The following GALNT1 variants were observed in gnomAD, a reference collection of about 807,000 sequenced individuals.
GALNT1 encodes the protein polypeptide N-acetylgalactosaminyltransferase 1, also known as GalNAc transferase 1.
In GALNT1, 17 loss-of-function variants were observed where a neutral mutation model predicts 65.7. That is an observed-to-expected ratio of 0.26 (90% confidence interval 0.18 to 0.39). The LOEUF is 0.39. Ranked by LOEUF, GALNT1 falls within the 10% of genes least tolerant of loss-of-function variation. GALNT1 has a pLI of 1.00. For synonymous variants in GALNT1, 210 were observed against 219.7 expected (o/e 0.96, Z 0.39); for missense variants, 460 against 672.8 (o/e 0.68, Z 3.50).
intron 1 of GALNT1, among the ~76,000 whole-genome samples, chr18:35,611,118 T>C (rs528186837): frequency 1.3e-5 from 2 of 152,316 alleles, no homozygotes. Context: ...TTTCAAACTT[T>C]TTAGTAGCAG....
intron 3 of GALNT1, among the ~76,000 whole-genome samples, chr18:35,675,255 G>T (rs537922906): frequency 2.0e-5 from 3 of 152,254 alleles, no homozygotes; most frequent in Admixed American, 1.3e-4. Context: ...CAGGTTAGGG[G>T]TGTGTGTTTG....
At chr18:35,664,492 A>G (rs927264173) in intron 3 of GALNT1, 2 of 152,212 alleles carry the variant, frequency 1.3e-5, no homozygotes, top group African/African-American at 2.4e-5. Context: ...TTTGACCCCT[A>G]TAAATAAAGC....
In GALNT1 at chr18:35,690,617, T is replaced by G. The variant is rs191762149; in HGVS notation, c.979-395T>G. Among the ~76,000 whole-genome samples, 527 of 152,310 alleles carry G rather than the reference T, an allele frequency of 3.5e-3. 2 individuals are homozygous for G. The highest frequency in any genetic ancestry group is 6.0e-3 in the Non-Finnish European group (406 of 68,018). On this transcript the variant is annotated intron_variant, in intron 7 of 11. Coordinates refer to ENST00000269195, the MANE Select transcript of GALNT1 (RefSeq NM_020474.4). Reference sequence around the variant, plus strand: ...TTTTCTGTATTTAGCCTTTAACCTATGTTTTCTTTATTTTAATCTTCAACT... The same window carrying G: ...TTTTCTGTATTTAGCCTTTAACCTAGGTTTTCTTTATTTTAATCTTCAACT...
chr18:35,656,604 G>T (rs1366658039), intron 2 of GALNT1, among the ~76,000 whole-genome samples: 1 of 152,166 alleles, frequency 6.6e-6, no homozygotes. Flanking sequence ...GAGTTGATAG[G>T]AGAACAAGAG....
chr18:35,666,917 C>G (rs756814376), intron 3 of GALNT1, among the ~76,000 whole-genome samples: 1 of 151,828 alleles, frequency 6.6e-6, no homozygotes, highest in Non-Finnish European at 1.5e-5. Flanking sequence ...TATATCTTCA[C>G]TCTATCTCTG....
chr18:35,710,008 A>C lies in GALNT1; in HGVS notation c.*238A>C. 1 of 414,196 alleles carries C rather than the reference A, an allele frequency of 2.4e-6. No homozygotes were observed. The highest frequency in any genetic ancestry group is 4.4e-6 in the Non-Finnish European group (1 of 229,838). 25.7% of individuals were successfully genotyped at this position (414,196 alleles called of 1,614,324 possible). ...GACTGTGCACACTGATGTTTACAAG[A>C]TTGAAAGAGTCTTTCTCCGAAAATC... On this transcript the variant is annotated 3_prime_UTR_variant, in exon 12 of 12. Coordinates refer to ENST00000269195, the MANE Select transcript of GALNT1 (RefSeq NM_020474.4).
intron 1 of GALNT1, among the ~76,000 whole-genome samples, chr18:35,614,974 C>T (rs771293920): frequency 2.0e-5 from 3 of 151,728 alleles, no homozygotes; most frequent in African/African-American, 2.4e-5. Context: ...ATAAATGTGA[C>T]GACATACCAT....
intron 1 of GALNT1, among the ~76,000 whole-genome samples, chr18:35,624,829 C>A (rs2046896086): frequency 6.6e-6 from 1 of 152,132 alleles, no homozygotes; most frequent in South Asian, 2.1e-4. Flanking sequence ...AATTGTCTTT[C>A]TTCCTTCTCA....
intron 1 of GALNT1, among the ~76,000 whole-genome samples, chr18:35,648,417 TTTTCGAC>T (rs2047265388): frequency 6.6e-6 from 1 of 152,218 alleles, no homozygotes; most frequent in South Asian, 2.1e-4. Flanking sequence ...ATTAAAGGCA[TTTTCGAC>T]TTTCGACTTA....
At chr18:35,667,203 A>G (rs2047562299) in intron 3 of GALNT1, among the ~76,000 whole-genome samples, 1 of 152,150 alleles carries the variant, frequency 6.6e-6, no homozygotes. Flanking sequence ...AGTAAAATGG[A>G]GTATCTCCTT....
At chr18:35,647,255 C>T (rs1406518835) in intron 1 of GALNT1, among the ~76,000 whole-genome samples, 1 of 151,366 alleles carries the variant, frequency 6.6e-6, no homozygotes, top group Non-Finnish European at 1.5e-5. Context: ...GAGCTGTGTA[C>T]CTTCTTTCAA....
intron 9 of GALNT1, among the ~76,000 whole-genome samples, chr18:35,695,946 G>A (rs12960689): frequency 0.093 from 14,164 of 152,110 alleles, 742 homozygotes; most frequent in Admixed American, 0.17. Context: ...CAATGCCTAG[G>A]CATTGTTAGC....
chr18:35,663,490 A>G, intron 2 of GALNT1, 138 bp from the exon 3 acceptor site: 1 of 822,846 alleles, frequency 1.2e-6, no homozygotes, highest in South Asian at 1.9e-5. Context: ...TGAAAGGGTT[A>G]ACAGCCTAGG....
chr18:35,621,984 G>GTT (rs1372249075), intron 1 of GALNT1, among the ~76,000 whole-genome samples: 2 of 152,068 alleles, frequency 1.3e-5, no homozygotes, highest in Non-Finnish European at 2.9e-5. Context: ...ACCATATCTT[G>GTT]ATATATGGTA....
At chr18:35,649,559 A>T (rs2047282610) in intron 1 of GALNT1, among the ~76,000 whole-genome samples, 1 of 152,210 alleles carries the variant, frequency 6.6e-6, no homozygotes, top group Non-Finnish European at 1.5e-5. Flanking sequence ...GTATCACCTG[A>T]GTATAAACAG....
chr18:35,588,108 C>T lies in GALNT1; in HGVS notation c.-104+6246C>T, dbSNP rs543345445. Reference sequence around the variant, plus strand: ...GAATGAAATGTGTTTTCTGCTCTTACATCCTGTTGGTTGATGATGCTGTTG... The same window carrying T: ...GAATGAAATGTGTTTTCTGCTCTTATATCCTGTTGGTTGATGATGCTGTTG... On this transcript the variant is annotated intron_variant, in intron 1 of 11. Coordinates refer to ENST00000269195, the MANE Select transcript of GALNT1 (RefSeq NM_020474.4). Among the ~76,000 whole-genome samples, 57 of 152,290 alleles carry T rather than the reference C, an allele frequency of 3.7e-4. 3 individuals are homozygous for T. The South Asian group carries it at 0.012, about 32-fold the overall frequency.
At chr18:35,683,297 G>GGTAT in intron 4 of GALNT1, 94 bp from the exon 5 acceptor site, 1 of 918,762 alleles carries the variant, frequency 1.1e-6, no homozygotes, top group East Asian at 2.6e-5. Context: ...GTTCAGTAAG[G>GGTAT]GTATGTTGAA....
intron 9 of GALNT1, among the ~76,000 whole-genome samples, chr18:35,698,092 A>G (rs190139517): frequency 6.6e-6 from 1 of 152,352 alleles, no homozygotes; most frequent in East Asian, 1.9e-4. Flanking sequence ...GTTGGCAAGT[A>G]GCTCCTCACA....
chr18:35,613,764 C>T (rs960514001), intron 1 of GALNT1, among the ~76,000 whole-genome samples: 1 of 152,174 alleles, frequency 6.6e-6, no homozygotes, highest in Non-Finnish European at 1.5e-5. Flanking sequence ...AACAAGGTTG[C>T]CTGTTTCAGC....
Sources: gnomAD v4.1 joint callset for allele counts (sites outside exome capture counted in the v4.1 genomes callset) on GRCh38, gnomAD v4.1.1 for gene constraint, MANE v1.5 for transcripts, NCBI Gene and HGNC (gene_info 2026-07-23, HGNC 2026-07-21) for gene names.